FAF1: variants seen among roughly 807,000 people sequenced by gnomAD.
FAF1 encodes the protein Fas associated factor 1.
FAF1 carries 25 observed loss-of-function variants against 92.5 expected under a neutral mutation model. The observed-to-expected ratio is 0.27, with a 90% CI of 0.20 to 0.38. FAF1 has a LOEUF of 0.38. Ranked by LOEUF, FAF1 falls within the 10% of genes least tolerant of loss-of-function variation. The probability of loss-of-function intolerance (pLI) is 1.00; values close to 1 mark genes in which losing one functional copy is unlikely to be tolerated. For synonymous variants in FAF1, 234 were observed against 273.2 expected (o/e 0.86, Z 1.42); for missense variants, 636 against 793.3 (o/e 0.80, Z 2.38).
At chr1:50,872,788 T>C (rs1321111850) in intron 1 of FAF1, among the ~76,000 whole-genome samples, 1 of 151,874 alleles carries the variant, frequency 6.6e-6, no homozygotes, top group African/African-American at 2.4e-5. Context: ...TAATCCCAGC[T>C]ACTCAGGAGG....
chr1:50,695,948 CTT>C (rs767839672), intron 7 of FAF1, among the ~76,000 whole-genome samples: 3,147 of 129,306 alleles, frequency 0.024, 112 homozygotes, highest in African/African-American at 0.085. Flanking sequence ...CGTGCTTGGC[CTT>C]TTTTTTTTTT....
At chr1:50,861,467 C>A (rs546684726) in intron 1 of FAF1, among the ~76,000 whole-genome samples, 1 of 151,742 alleles carries the variant, frequency 6.6e-6, no homozygotes, top group African/African-American at 2.4e-5. Flanking sequence ...AAGTCAAAAA[C>A]CGTATGTTCT....
chr1:50,524,324 A>G (rs1363135434), intron 15 of FAF1, among the ~76,000 whole-genome samples: 2 of 152,218 alleles, frequency 1.3e-5, no homozygotes, highest in East Asian at 1.9e-4. Flanking sequence ...ATTTTCTCCC[A>G]TTCTGTAGGT....
chr1:50,939,923 T>C (rs1318415931), intron 1 of FAF1, among the ~76,000 whole-genome samples: 1 of 152,222 alleles, frequency 6.6e-6, no homozygotes, highest in Non-Finnish European at 1.5e-5. Context: ...TCTTGTTTTT[T>C]TCTTTAAGAC....
At chr1:50,947,396 A>T (rs1325878469) in intron 1 of FAF1, among the ~76,000 whole-genome samples, 1 of 152,230 alleles carries the variant, frequency 6.6e-6, no homozygotes, top group Non-Finnish European at 1.5e-5. Context: ...ACAACCTGAC[A>T]TCTCATTCTT....
intron 7 of FAF1, among the ~76,000 whole-genome samples, chr1:50,681,024 GAATAATAATAAT>G (rs151079216): frequency 6.6e-6 from 1 of 150,720 alleles, no homozygotes; most frequent in East Asian, 1.9e-4. Flanking sequence ...ACTACATTCA[GAATAATAATAAT>G]AATAATAATA....
intron 3 of FAF1, among the ~76,000 whole-genome samples, chr1:50,801,183 C>A (rs186014928): frequency 7.2e-5 from 11 of 152,296 alleles, no homozygotes; most frequent in African/African-American, 2.6e-4. Context: ...TTATTAAGAA[C>A]TGCCTCAAAT....
chr1:50,449,558 C>T (rs1318636339), intron 18 of FAF1, among the ~76,000 whole-genome samples: 2 of 146,560 alleles, frequency 1.4e-5, no homozygotes, highest in African/African-American at 2.5e-5. Flanking sequence ...AGCATGATCT[C>T]GGCTCACTGC....
At chr1:50,938,905 A>G (rs1453047177) in intron 1 of FAF1, among the ~76,000 whole-genome samples, 4 of 152,084 alleles carry the variant, frequency 2.6e-5, no homozygotes, top group Admixed American at 2.0e-4. Flanking sequence ...TGAGTTTTCT[A>G]TTCTGTTCCA....
At chr1:50,456,828 A>G (rs775239732) in intron 18 of FAF1, among the ~76,000 whole-genome samples, 4 of 152,188 alleles carry the variant, frequency 2.6e-5, no homozygotes, top group Non-Finnish European at 1.5e-5. Flanking sequence ...AGGAAACTAC[A>G]AGGAAGGCAA....
chr1:50,739,304 G>A (rs368778606), intron 5 of FAF1, among the ~76,000 whole-genome samples: 22 of 151,774 alleles, frequency 1.4e-4, no homozygotes, highest in South Asian at 6.3e-4. Context: ...ATGTGTACAC[G>A]TACATGCATA....
intron 2 of FAF1, among the ~76,000 whole-genome samples, chr1:50,851,496 T>C (rs546631214): frequency 6.6e-6 from 1 of 152,310 alleles, no homozygotes; most frequent in East Asian, 1.9e-4. Context: ...TCATTTAGTT[T>C]ATTTTCTAAA....
intron 12 of FAF1, 125 bp from the exon 13 acceptor site, chr1:50,567,356 G>A: frequency 1.7e-6 from 1 of 605,094 alleles, no homozygotes; most frequent in Non-Finnish European, 2.6e-6. Flanking sequence ...TTCCCTAAGA[G>A]AGTACTTTAC....
chr1:50,733,733 C>A (rs1217550898), intron 6 of FAF1, among the ~76,000 whole-genome samples: 2 of 152,194 alleles, frequency 1.3e-5, no homozygotes, highest in Non-Finnish European at 2.9e-5. Context: ...TTTCCAAACT[C>A]AAGAACAAGG....
chr1:50,594,888 T>A (rs999785703), intron 9 of FAF1, among the ~76,000 whole-genome samples: 1 of 142,398 alleles, frequency 7.0e-6, no homozygotes, highest in Admixed American at 7.1e-5. Context: ...AAAAAAAAAA[T>A]TATATATATA....
intron 1 of FAF1, among the ~76,000 whole-genome samples, chr1:50,879,940 T>G (rs1458765542): frequency 2.0e-5 from 3 of 152,164 alleles, no homozygotes; most frequent in Non-Finnish European, 4.4e-5. Flanking sequence ...GAACTCCAAT[T>G]CAAATTTCTA....
At chr1:50,833,135 T>C (rs1644169677) in intron 2 of FAF1, among the ~76,000 whole-genome samples, 2 of 152,086 alleles carry the variant, frequency 1.3e-5, no homozygotes, top group Non-Finnish European at 2.9e-5. Context: ...CCAGAGTTAG[T>C]GTCAGACTCC....
At position 50,507,057 on chromosome 1, in the gene FAF1, T is replaced by C. The variant is rs1647067946; in HGVS notation, c.1495-15256A>G. Among the ~76,000 whole-genome samples, 4 of 152,034 alleles carry C rather than the reference T, an allele frequency of 2.6e-5. No homozygotes were observed. The South Asian group carries it at 8.3e-4, about 32-fold the overall frequency. On this transcript the variant is annotated intron_variant, in intron 15 of 18. Coordinates refer to ENST00000396153, the MANE Select transcript of FAF1 (RefSeq NM_007051.3). ...AGGAAAATTATCCTTTTGTGTGGAG[T>C]GTCAGGTTATTCCAGGACTACTACC... is the stretch of plus-strand genomic sequence containing the variant.
chr1:50,642,766 A>G (rs1654400642), intron 8 of FAF1, among the ~76,000 whole-genome samples: 1 of 152,156 alleles, frequency 6.6e-6, no homozygotes, highest in Non-Finnish European at 1.5e-5. Context: ...GTAATTATCA[A>G]TATGGTTAGA....
Sources: gnomAD v4.1 joint callset for allele counts (sites outside exome capture counted in the v4.1 genomes callset) on GRCh38, gnomAD v4.1.1 for gene constraint, MANE v1.5 for transcripts, NCBI Gene and HGNC (gene_info 2026-07-23, HGNC 2026-07-21) for gene names.